NXN: variants seen among roughly 807,000 people sequenced by gnomAD.
NXN encodes nucleoredoxin.
A neutral mutation model predicts 48.6 loss-of-function variants in NXN; 16 were observed. The observed-to-expected ratio is 0.33, with a 90% CI of 0.22 to 0.50. NXN has a LOEUF of 0.50. NXN is among the 20% of genes least tolerant of loss of function. The pLI is 0.98. For synonymous variants in NXN, 281 were observed against 269.6 expected, an observed-to-expected ratio of 1.04 and a Z score of -0.41; for missense variants, 492 against 605.5, an observed-to-expected ratio of 0.81 and a Z score of 1.97.
chr17:800,759 T>C lies in NXN; in HGVS notation c.*190A>G. 2.5e-6 allele frequency: 1 copy of C among 407,880 alleles called. No individual in the cohort carries two copies. The allele number at this position is 407,880 out of a possible 1,614,324, so 25.3% of individuals were successfully genotyped here. On this transcript the variant is annotated 3_prime_UTR_variant, in exon 8 of 8. Coordinates refer to ENST00000336868, the MANE Select transcript of NXN (RefSeq NM_022463.5). ...AACAGAGTCTCCAAACACGGTGGAC[T>C]CTGCCGCTGCTGATTCCACACCCCA...
In NXN at chr17:842,671, C is replaced by T. The variant is rs913730402; in HGVS notation, c.361-16593G>A. The T allele has an allele frequency of 2.8e-5, 15 of 538,168 alleles. 1 individual carries two copies. Among genetic ancestry groups the T allele is most frequent in the Non-Finnish European group, 3.3e-5 (14 of 421,672 alleles). The allele number at this position is 538,168 out of a possible 1,614,324, so 33.3% of individuals were successfully genotyped here. Reference sequence around the variant, plus strand: ...GCACCTTCAGGGCAGGGTGCAGTGGCTCATGCCTGTAATCCCAGCACTTTG... The same window carrying T: ...GCACCTTCAGGGCAGGGTGCAGTGGTTCATGCCTGTAATCCCAGCACTTTG... On this transcript the variant is annotated intron_variant, in intron 1 of 7. Transcript: ENST00000336868.
intron 1 of NXN, among the ~76,000 whole-genome samples, chr17:955,715 T>A (rs1417500757): frequency 6.7e-6 from 1 of 149,656 alleles, no homozygotes; most frequent in Non-Finnish European, 1.5e-5. Context: ...GCTAACACGG[T>A]GAAACCCTGT....
chr17:892,281 C>T (rs1484470535), intron 1 of NXN, among the ~76,000 whole-genome samples: 1 of 152,176 alleles, frequency 6.6e-6, no homozygotes, highest in Admixed American at 6.5e-5. Context: ...CTAAGCTAAC[C>T]CCACCATGCA....
intron 1 of NXN, among the ~76,000 whole-genome samples, chr17:872,105 G>A (rs952916541): frequency 1.3e-5 from 2 of 152,128 alleles, no homozygotes; most frequent in Non-Finnish European, 2.9e-5. Context: ...GGATGATGGA[G>A]AGTTCCTGCA....
At chr17:893,458 C>G (rs1278857147) in intron 1 of NXN, among the ~76,000 whole-genome samples, 1 of 152,224 alleles carries the variant, frequency 6.6e-6, no homozygotes, top group Admixed American at 6.5e-5. Flanking sequence ...CAAAAATTAT[C>G]TCCATCGCTC....
chr17:929,176 G>A (rs557097833), intron 1 of NXN, among the ~76,000 whole-genome samples: 155 of 152,292 alleles, frequency 1.0e-3, no homozygotes, highest in African/African-American at 3.6e-3. Flanking sequence ...CCTTCATTAC[G>A]GCAACAGGCA....
At chr17:870,921 C>G (rs892093249) in intron 1 of NXN, among the ~76,000 whole-genome samples, 3 of 151,988 alleles carry the variant, frequency 2.0e-5, no homozygotes, top group Admixed American at 6.6e-5. Flanking sequence ...TGCAGTGGTG[C>G]GATCTCAGTT....
chr17:876,197 AAG>A lies in NXN; in HGVS notation c.361-50121_361-50120del, dbSNP rs1233694969. 7.5e-4 allele frequency among the ~76,000 whole-genome samples: 112 copies of A among 149,178 alleles called. No homozygotes were observed. The South Asian group carries it at 0.01, about 14-fold the overall frequency. ...AATCCATCAGAAAAGAAAGAAAAAA[AAG>A]AAAAGAAAGAAAAGAAAAGAGAAAG... On this transcript the variant is annotated intron_variant, in intron 1 of 7. Transcript: ENST00000336868.
intron 1 of NXN, among the ~76,000 whole-genome samples, chr17:945,448 T>A (rs2069031918): frequency 6.6e-6 from 1 of 150,546 alleles, no homozygotes; most frequent in South Asian, 2.1e-4. Flanking sequence ...GCTAACATGG[T>A]GAAACCCCGT....
chr17:972,881 A>T (rs1466914532), intron 1 of NXN, among the ~76,000 whole-genome samples: 1 of 151,532 alleles, frequency 6.6e-6, no homozygotes, highest in Non-Finnish European at 1.5e-5. Context: ...AATACAAAAA[A>T]TTAGCCAGGG....
chr17:869,083 T>G (rs1255845627), intron 1 of NXN, among the ~76,000 whole-genome samples: 1 of 152,022 alleles, frequency 6.6e-6, no homozygotes, highest in African/African-American at 2.4e-5. Flanking sequence ...TGCCTTATAT[T>G]AAGTCCCACC....
intron 3 of NXN, 125 bp downstream of exon 3, chr17:823,507 G>T (rs1288179691): frequency 6.7e-6 from 7 of 1,051,686 alleles, no homozygotes; most frequent in Non-Finnish European, 9.7e-6. Context: ...TCGGGCACAG[G>T]AGAAGGCCAG....
rs533228590 is a variant in NXN at position 905,564 on chromosome 17, C to T, written c.360+73755G>A. On this transcript the variant is annotated intron_variant, in intron 1 of 7. Coordinates refer to ENST00000336868, the MANE Select transcript of NXN (RefSeq NM_022463.5). ...CGTAGTAAAATATGAGACATGTTACCGATACAAGACAGAAATCATGCTATT... is the reference window on the plus strand; with the variant it reads ...CGTAGTAAAATATGAGACATGTTACTGATACAAGACAGAAATCATGCTATT... 1.6e-4 allele frequency among the ~76,000 whole-genome samples: 25 copies of T among 152,238 alleles called. No individual in the cohort carries two copies. The South Asian group carries it at 2.3e-3, about 14-fold the overall frequency.
At chr17:858,453 C>T (rs1174211545) in intron 1 of NXN, among the ~76,000 whole-genome samples, 3 of 152,026 alleles carry the variant, frequency 2.0e-5, no homozygotes, top group Non-Finnish European at 2.9e-5. Flanking sequence ...ACAGGCTGGG[C>T]GCGGTGGCTC....
intron 1 of NXN, among the ~76,000 whole-genome samples, chr17:858,173 G>A (rs2068005509): frequency 1.3e-5 from 2 of 151,738 alleles, no homozygotes; most frequent in South Asian, 4.2e-4. Flanking sequence ...GTTTCACCAT[G>A]TTGCGGCTAA....
Position 973,326 on chromosome 17 carries a change from G to A in NXN, c.360+5993C>T, listed in dbSNP as rs553890844. On this transcript the variant is annotated intron_variant, in intron 1 of 7. Coordinates refer to ENST00000336868, the MANE Select transcript of NXN (RefSeq NM_022463.5). ...GATGAGCACCCTCCATTTCCCACGC[G>A]AAACAGCAGTCTTTCAACCTCTACA... Among the ~76,000 whole-genome samples, 12 of 152,274 alleles carry A rather than the reference G, an allele frequency of 7.9e-5. No homozygotes were observed. In the East Asian group the frequency reaches 1.2e-3, roughly 15 times the overall value.
Position 801,112 on chromosome 17 carries a change from A to G in NXN, c.1145T>C (p.Leu382Pro). The G allele has an allele frequency of 6.4e-7, 1 of 1,553,254 alleles. No homozygotes were observed. The highest frequency in any genetic ancestry group is 1.4e-5 in the African/African-American group (1 of 72,054). ...CTCAGGCAGGTTGGTGTAATCTCGC[A>G]GGGAGTCAGTCATGTCATCCTGAAG... ...VAGEDDMTDS[L>P]RDYTNLPEAA... is the part of the protein sequence containing the mutation. Residue 382 changes from leucine (L) to proline (P), a missense_variant, in exon 8 of 8, where the codon CTG becomes CCG. Physicochemically the swap from Leu to Pro is moderately conservative, Grantham distance 98 (BLOSUM62 -3). This residue lies in a region of NXN where 303 missense variants were observed against 388.3 expected (regional missense o/e 0.78). Coordinates refer to ENST00000336868, the MANE Select transcript of NXN (RefSeq NM_022463.5).
chr17:933,567 T>C (rs2068876258), intron 1 of NXN, among the ~76,000 whole-genome samples: 1 of 151,940 alleles, frequency 6.6e-6, no homozygotes. Context: ...ACCAGGACTC[T>C]GCGTGAATGC....
intron 1 of NXN, among the ~76,000 whole-genome samples, chr17:869,356 G>T (rs952262960): frequency 2.0e-5 from 3 of 152,112 alleles, no homozygotes; most frequent in African/African-American, 7.2e-5. Context: ...ACCAGCTCAT[G>T]CTCTCTGATC....
Sources: allele counts gnomAD v4.1 joint callset (sites outside exome capture counted in the v4.1 genomes callset), GRCh38; gene constraint gnomAD v4.1.1; regional missense constraint gnomAD v4.1.1; transcripts MANE v1.5; gene names NCBI Gene and HGNC (gene_info 2026-07-23, HGNC 2026-07-21).